ZFR: variants seen among roughly 807,000 people sequenced by gnomAD.
ZFR encodes zinc finger RNA binding protein, also known as zinc finger RNA-binding protein.
Under a neutral mutation model 130.7 loss-of-function variants are expected in ZFR, and 19 were observed. The ratio of observed to expected loss-of-function variants is 0.15; its 90% CI spans 0.10 to 0.21. The LOEUF (loss-of-function observed/expected upper bound fraction) is 0.21. Among genes scored for constraint, ZFR ranks in the 10% least tolerant of loss-of-function variants. The pLI, the probability that ZFR is intolerant of heterozygous loss-of-function variation, is 1.00. For missense variants in ZFR, 872 were observed against 1,321.5 expected (o/e 0.66, Z 5.27); for synonymous variants, 466 against 456.9 (o/e 1.02, Z -0.25).
intron 2 of ZFR, among the ~76,000 whole-genome samples, chr5:32,431,059 A>G (rs1324795478): frequency 1.3e-5 from 2 of 152,232 alleles, no homozygotes; most frequent in Non-Finnish European, 2.9e-5. Flanking sequence ...TGGGCAACAC[A>G]GTGAGACCCT....
At chr5:32,420,800 A>G (rs189933646) in intron 2 of ZFR, among the ~76,000 whole-genome samples, 1 of 152,224 alleles carries the variant, frequency 6.6e-6, no homozygotes, top group African/African-American at 2.4e-5. Context: ...AGAATTATTT[A>G]AAGTATGTCA....
chr5:32,385,342 C>T (rs570420264), intron 15 of ZFR, among the ~76,000 whole-genome samples, 166 bp downstream of exon 15: 1 of 152,020 alleles, frequency 6.6e-6, no homozygotes, highest in Non-Finnish European at 1.5e-5. Context: ...AGAGCATTTA[C>T]TCTGTGGGAA....
chr5:32,373,970 C>CT (rs1473295736), intron 17 of ZFR, among the ~76,000 whole-genome samples: 1 of 152,132 alleles, frequency 6.6e-6, no homozygotes, highest in Non-Finnish European at 1.5e-5. Flanking sequence ...AGAACACACC[C>CT]TGTGAAGTGC....
intron 17 of ZFR, among the ~76,000 whole-genome samples, chr5:32,376,719 G>T (rs1446702057): frequency 1.3e-5 from 2 of 152,140 alleles, no homozygotes; most frequent in Non-Finnish European, 2.9e-5. Flanking sequence ...GTACAGTGGG[G>T]CTCAGGCCTA....
At chr5:32,424,869 A>G (rs544698518) in intron 2 of ZFR, among the ~76,000 whole-genome samples, 52 of 152,354 alleles carry the variant, frequency 3.4e-4, no homozygotes, top group Admixed American at 8.5e-4. Context: ...TGTAAACGTT[A>G]TCATAAATAA....
chr5:32,422,374 A>C (rs889022276), intron 2 of ZFR, among the ~76,000 whole-genome samples: 1 of 152,158 alleles, frequency 6.6e-6, no homozygotes, highest in African/African-American at 2.4e-5. Flanking sequence ...TCCCAGGAAA[A>C]GATGAAATAT....
intron 2 of ZFR, among the ~76,000 whole-genome samples, chr5:32,437,073 T>C (rs765055330): frequency 3.3e-5 from 5 of 152,220 alleles, no homozygotes; most frequent in East Asian, 1.9e-4. Flanking sequence ...CCAGTCTCTA[T>C]TATATCATGC....
chr5:32,403,906 T>C lies in ZFR; in HGVS notation c.1224A>G (p.Lys408=). 6.4e-7 allele frequency: 1 copy of C among 1,566,216 alleles called. No homozygotes were observed. Among genetic ancestry groups the C allele is most frequent in the Non-Finnish European group, 8.7e-7 (1 of 1,154,436 alleles). Residue 408 remains lysine (K), a splice_region_variant and synonymous_variant, in exon 7 of 20, where the codon AAA becomes AAG. Transcript: ENST00000265069. ...AAHIRGAKHQ[K]VVKLHTKLGK... Reference sequence around the variant, plus strand: ...GGGTGTGTGGGAAAAAAACACCTACTTTCTGATGCTTAGCACCACGAATGT... The same window carrying C: ...GGGTGTGTGGGAAAAAAACACCTACCTTCTGATGCTTAGCACCACGAATGT...
At chr5:32,441,737 TG>T (rs1489740303) in intron 2 of ZFR, among the ~76,000 whole-genome samples, 7 of 152,222 alleles carry the variant, frequency 4.6e-5, no homozygotes, top group African/African-American at 1.7e-4. Flanking sequence ...TCATCTTCCT[TG>T]CCAAAATTCC....
Position 32,355,959 on chromosome 5 carries a change from A to T in ZFR, c.3046-20T>A. 4 of 1,560,478 alleles carry T rather than the reference A, an allele frequency of 2.6e-6. No individual in the cohort carries two copies. Among genetic ancestry groups the T allele is most frequent in the Non-Finnish European group, 2.6e-6 (3 of 1,158,284 alleles). The stretch of plus-strand genomic sequence containing the variant: ...TGCAAACTGCAACAAAGAGAGTCAG[A>T]ATTTTGAGTTAATTGAAAAACCCCA... On this transcript the variant is annotated intron_variant, in intron 19 of 19. Coordinates refer to ENST00000265069, the MANE Select transcript of ZFR (RefSeq NM_016107.5).
At chr5:32,413,408 A>G (rs1753754155) in intron 5 of ZFR, among the ~76,000 whole-genome samples, 1 of 152,222 alleles carries the variant, frequency 6.6e-6, no homozygotes, top group Non-Finnish European at 1.5e-5. Context: ...TCCATGGAAG[A>G]AAAGTAGACA....
In ZFR at chr5:32,409,704, A is replaced by C. The variant is rs559701493; in HGVS notation, c.785-2683T>G. On this transcript the variant is annotated intron_variant, in intron 5 of 19. Coordinates refer to ENST00000265069, the MANE Select transcript of ZFR (RefSeq NM_016107.5). The stretch of plus-strand genomic sequence containing the variant: ...TACAGGCATGAGCCACCGCACCTGC[A>C]TCCGAATATTTTCAGTTCATGGTTG... Among the ~76,000 whole-genome samples, 196 of 152,320 alleles carry C rather than the reference A, an allele frequency of 1.3e-3. 2 individuals carry two copies. The South Asian group carries it at 0.022, about 17-fold the overall frequency.
At chr5:32,423,991 C>A (rs1451269468) in intron 2 of ZFR, among the ~76,000 whole-genome samples, 1 of 152,184 alleles carries the variant, frequency 6.6e-6, no homozygotes, top group Non-Finnish European at 1.5e-5. Flanking sequence ...CCTACTACAA[C>A]CTTTTCTTAG....
chr5:32,389,382 C>T (rs1753111711), intron 12 of ZFR, among the ~76,000 whole-genome samples: 1 of 152,098 alleles, frequency 6.6e-6, no homozygotes. Context: ...TGGGTCTCAC[C>T]ATGTTGCCCA....
chr5:32,394,448 G>A (rs1044551069), intron 11 of ZFR: 8 of 167,654 alleles, frequency 4.8e-5, no homozygotes, highest in Admixed American at 2.0e-4. Context: ...GGCACAAACC[G>A]CGATTACTTT....
chr5:32,388,506 T>G lies in ZFR; in HGVS notation c.2311A>C (p.Lys771Gln). ...SLSEHEKNKN[K>Q]EGDDKKEGGK... ...CCCTCTTTCTTATCATCTCCCTCTTTGTTCTTGTTCTTCTCATGTTCAGAC... is the reference window on the plus strand; with the variant it reads ...CCCTCTTTCTTATCATCTCCCTCTTGGTTCTTGTTCTTCTCATGTTCAGAC... Residue 771 changes from lysine to glutamine, a missense_variant, in exon 13 of 20, where the codon AAA becomes CAA. By Grantham distance (53) the Lys-to-Gln change is moderately conservative (BLOSUM62 1). Around this residue, in one of 7 missense-constraint regions of ZFR, gnomAD observed 225 missense variants for 282.4 expected, o/e 0.80. Transcript: ENST00000265069. 1 of 1,614,040 alleles carries G rather than the reference T, an allele frequency of 6.2e-7. No homozygotes were observed. Among genetic ancestry groups the G allele is most frequent in the Middle Eastern group, 1.7e-4 (1 of 6,060 alleles).
At chr5:32,416,299 T>C (rs1250340614) in intron 4 of ZFR, among the ~76,000 whole-genome samples, 2 of 152,162 alleles carry the variant, frequency 1.3e-5, no homozygotes, top group Non-Finnish European at 2.9e-5. Flanking sequence ...CTATAAATTA[T>C]TATACACGGA....
chr5:32,397,065 T>C (rs995876705), intron 10 of ZFR, among the ~76,000 whole-genome samples, 154 bp downstream of exon 10: 3 of 152,180 alleles, frequency 2.0e-5, no homozygotes, highest in African/African-American at 4.8e-5. Flanking sequence ...CAAACATCCA[T>C]CTGAGTCTAC....
At chr5:32,368,868 C>T (rs559001322) in intron 17 of ZFR, among the ~76,000 whole-genome samples, 1 of 152,274 alleles carries the variant, frequency 6.6e-6, no homozygotes, top group African/African-American at 2.4e-5. Context: ...TGTTTATGCT[C>T]TTAAAATAGG....
Sources: allele counts gnomAD v4.1 joint callset (sites outside exome capture counted in the v4.1 genomes callset), GRCh38; gene constraint gnomAD v4.1.1; regional missense constraint gnomAD v4.1.1; transcripts MANE v1.5; gene names NCBI Gene and HGNC (gene_info 2026-07-23, HGNC 2026-07-21).